Variants in ZNRF3 observed in about 807,000 individuals in gnomAD.
ZNRF3 encodes the protein E3 ubiquitin-protein ligase ZNRF3.
A neutral mutation model predicts 72.5 loss-of-function variants in ZNRF3; 23 were observed. The observed-to-expected ratio is 0.32, with a 90% CI of 0.23 to 0.45. The LOEUF is 0.45. ZNRF3 is among the 20% of genes least tolerant of loss of function. The probability of loss-of-function intolerance (pLI) is 1.00; values close to 1 mark genes in which losing one functional copy is unlikely to be tolerated. For synonymous variants in ZNRF3, 610 were observed against 545.3 expected (o/e 1.12, Z -1.65); for missense variants, 1,169 against 1,272.1 (o/e 0.92, Z 1.23).
intron 1 of ZNRF3, among the ~76,000 whole-genome samples, chr22:28,901,969 G>A (rs541529104): frequency 5.6e-5 from 7 of 124,752 alleles, no homozygotes; most frequent in South Asian, 2.5e-4. Context: ...TGGAGTCTCC[G>A]TCTGTTACCC....
At chr22:28,969,815 A>T (rs2035537881) in intron 1 of ZNRF3, among the ~76,000 whole-genome samples, 1 of 152,190 alleles carries the variant, frequency 6.6e-6, no homozygotes, top group Non-Finnish European at 1.5e-5. Flanking sequence ...GAGAGCAGTT[A>T]GGAGCTCTGG....
intron 1 of ZNRF3, among the ~76,000 whole-genome samples, chr22:28,976,009 ACT>A (rs1184399886): frequency 1.3e-5 from 2 of 152,016 alleles, no homozygotes; most frequent in African/African-American, 4.8e-5. Flanking sequence ...ATATCCCTTA[ACT>A]CTCAGTCATT....
intron 1 of ZNRF3, among the ~76,000 whole-genome samples, chr22:28,887,962 GC>G (rs1173551065): frequency 6.8e-6 from 1 of 147,326 alleles, no homozygotes; most frequent in Non-Finnish European, 1.5e-5. Flanking sequence ...AAGTCGAAAT[GC>G]ATTTTTTTTT....
intron 1 of ZNRF3, among the ~76,000 whole-genome samples, chr22:28,886,700 T>C (rs534124888): frequency 4.3e-4 from 66 of 152,288 alleles, no homozygotes; most frequent in African/African-American, 1.5e-3. Flanking sequence ...GACTGACGCC[T>C]GTAGTCTCAG....
chr22:28,964,313 T>C (rs1417317017), intron 1 of ZNRF3, among the ~76,000 whole-genome samples: 2 of 152,020 alleles, frequency 1.3e-5, no homozygotes, highest in Non-Finnish European at 2.9e-5. Flanking sequence ...TCCTCAAAGG[T>C]CTTCATCCAG....
chr22:29,010,451 A>G (rs576258179), intron 2 of ZNRF3, among the ~76,000 whole-genome samples: 2 of 152,306 alleles, frequency 1.3e-5, no homozygotes, highest in South Asian at 4.1e-4. Context: ...TGATGGAATT[A>G]TATATATCCC....
At chr22:28,959,712 G>C (rs2035322617) in intron 1 of ZNRF3, among the ~76,000 whole-genome samples, 1 of 152,146 alleles carries the variant, frequency 6.6e-6, no homozygotes, top group Non-Finnish European at 1.5e-5. Context: ...TTGGTGATGG[G>C]GTCTATGGGA....
At chr22:28,991,697 A>G (rs6519768) in intron 2 of ZNRF3, among the ~76,000 whole-genome samples, 1,963 of 152,226 alleles carry the variant, frequency 0.013, 44 homozygotes, top group African/African-American at 0.045. Flanking sequence ...TTCCCATTTT[A>G]CCATAAGCAA....
chr22:28,906,600 G>A (rs1414749988), intron 1 of ZNRF3, among the ~76,000 whole-genome samples: 3 of 152,166 alleles, frequency 2.0e-5, no homozygotes, highest in East Asian at 3.8e-4. Context: ...TATATGTAAG[G>A]TGTACATTAA....
chr22:29,045,062 A>G (rs1162430022), intron 5 of ZNRF3, among the ~76,000 whole-genome samples, 172 bp downstream of exon 5: 1 of 152,062 alleles, frequency 6.6e-6, no homozygotes, highest in Non-Finnish European at 1.5e-5. Context: ...AGATGGAAAA[A>G]AAATAAGAGC....
intron 2 of ZNRF3, among the ~76,000 whole-genome samples, chr22:29,006,993 G>A (rs1014787610): frequency 2.0e-5 from 3 of 152,234 alleles, no homozygotes; most frequent in Non-Finnish European, 2.9e-5. Flanking sequence ...CATAAAACAG[G>A]TGTCATGATT....
At chr22:28,994,927 T>A (rs1189145090) in intron 2 of ZNRF3, among the ~76,000 whole-genome samples, 1 of 152,206 alleles carries the variant, frequency 6.6e-6, no homozygotes, top group East Asian at 1.9e-4. Context: ...CCGCATCCCA[T>A]AGAATGTTAT....
chr22:28,958,261 G>A (rs2035295559), intron 1 of ZNRF3, among the ~76,000 whole-genome samples: 2 of 152,230 alleles, frequency 1.3e-5, no homozygotes, highest in Admixed American at 1.3e-4. Flanking sequence ...GGAACAATGA[G>A]TTTTGTCTTT....
intron 1 of ZNRF3, among the ~76,000 whole-genome samples, chr22:28,976,868 G>A (rs1212850479): frequency 1.3e-5 from 2 of 152,082 alleles, no homozygotes; most frequent in African/African-American, 4.8e-5. Context: ...TAACTTACGA[G>A]GCATCTTATC....
At chr22:29,009,497 G>A (rs956666120) in intron 2 of ZNRF3, among the ~76,000 whole-genome samples, 3 of 152,078 alleles carry the variant, frequency 2.0e-5, no homozygotes, top group Non-Finnish European at 2.9e-5. Flanking sequence ...TGGAGGGAGG[G>A]AACAGGATGT....
At chr22:28,967,357 G>A (rs964022174) in intron 1 of ZNRF3, among the ~76,000 whole-genome samples, 2 of 152,124 alleles carry the variant, frequency 1.3e-5, no homozygotes, top group Admixed American at 1.3e-4. Flanking sequence ...GTACGCTATT[G>A]CATCCAGGTT....
At chr22:29,035,743 A>T (rs1179774565) in intron 2 of ZNRF3, among the ~76,000 whole-genome samples, 4 of 149,126 alleles carry the variant, frequency 2.7e-5, no homozygotes, top group African/African-American at 7.4e-5. Context: ...GCCCAGCTAA[A>T]TTTTTTTTTT....
At chr22:28,940,792 T>A (rs760569185) in intron 1 of ZNRF3, among the ~76,000 whole-genome samples, 18 of 152,148 alleles carry the variant, frequency 1.2e-4, no homozygotes, top group Non-Finnish European at 1.6e-4. Flanking sequence ...CAGTAGGGAT[T>A]TACTCTCCTC....
At chr22:28,988,680 T>TA (rs1431060042) in intron 2 of ZNRF3, among the ~76,000 whole-genome samples, 1 of 152,218 alleles carries the variant, frequency 6.6e-6, no homozygotes, top group African/African-American at 2.4e-5. Context: ...GAGAATATTT[T>TA]AGTGTTTTCT....
Sources: gnomAD v4.1 joint callset for allele counts (sites outside exome capture counted in the v4.1 genomes callset) on GRCh38, gnomAD v4.1.1 for gene constraint, MANE v1.5 for transcripts, NCBI Gene and HGNC (gene_info 2026-07-23, HGNC 2026-07-21) for gene names.